IQSEC1: variants seen among roughly 807,000 people sequenced by gnomAD.
IQSEC1 encodes the protein IQ motif and Sec7 domain ArfGEF 1, also known as IQ motif and SEC7 domain-containing protein 1.
In IQSEC1, 31 loss-of-function variants were observed where a neutral mutation model predicts 91.0. The ratio of observed to expected loss-of-function variants is 0.34; its 90% confidence interval spans 0.26 to 0.46. The LOEUF (loss-of-function observed/expected upper bound fraction) is 0.46. Among genes scored for constraint, IQSEC1 ranks in the 20% least tolerant of loss-of-function variants. The probability of loss-of-function intolerance (pLI) is 1.00; values close to 1 mark genes in which losing one functional copy is unlikely to be tolerated. For synonymous variants in IQSEC1, 699 were observed against 662.6 expected (o/e 1.05, Z -0.84); for missense variants, 1,388 against 1,575.6 (o/e 0.88, Z 2.02).
Position 12,970,434 on chromosome 3 carries a change from G to A in IQSEC1, c.24-28569C>T, listed in dbSNP as rs1358720079. Among the ~76,000 whole-genome samples, 2 of 152,084 alleles carry A rather than the reference G, an allele frequency of 1.3e-5. No individual in the cohort carries two copies. Among genetic ancestry groups the A allele is most frequent in the African/African-American group, 2.4e-5 (1 of 41,392 alleles). On this transcript the variant is annotated intron_variant, in intron 1 of 13. Transcript: ENST00000613206. This position sits in a 1 kb window ranked among gnomAD's most constrained non-coding sequence, Gnocchi z 4.4. The stretch of plus-strand genomic sequence containing the variant: ...TGGCCCATTTCACATGCTACAACCC[G>A]ACTTTATCTCTATCCTCCCCAGCTT...
rs1342999691 is a variant in IQSEC1 at position 13,211,967 on chromosome 3, G to C, written c.273-47834C>G. 1.3e-5 allele frequency among the ~76,000 whole-genome samples: 2 copies of C among 152,068 alleles called. No individual in the cohort carries two copies. Among genetic ancestry groups the C allele is most frequent in the Admixed American group, 1.3e-4 (2 of 15,276 alleles). ...TGAGCCCCTGTGGGCTCTGGCGCGTGTCGGTGCCCAGCCTCTGTGAGAGGC... is the reference window on the plus strand; with the variant it reads ...TGAGCCCCTGTGGGCTCTGGCGCGTCTCGGTGCCCAGCCTCTGTGAGAGGC... On this transcript the variant is annotated intron_variant, in intron 1 of 15. Transcript: ENST00000648114. This position sits in a 1 kb window ranked among gnomAD's most constrained non-coding sequence, Gnocchi z 5.3.
rs72408840 is a variant in IQSEC1 at position 12,900,451 on chromosome 3, GTA to G, written c.*530_*531del. 6,673 of 667,126 alleles carry G rather than the reference GTA, an allele frequency of 0.01. No homozygotes were observed. The highest frequency in any genetic ancestry group is 0.011 in the Non-Finnish European group (6,102 of 543,212). The allele number at this position is 667,126 out of a possible 1,614,324, so 41.3% of individuals were successfully genotyped here. A position where few individuals can be genotyped will look rare whatever the true frequency, so the allele number is the denominator to read the frequency against. On this transcript the variant is annotated 3_prime_UTR_variant, in exon 14 of 14. Transcript: ENST00000613206. ...TTCACACACAAGTACTACCTATACA[GTA>G]TATATATATATATATTTATATATTT... is the stretch of plus-strand genomic sequence containing the variant.
At chr3:13,010,530 G>C (rs915051634) in intron 1 of IQSEC1, among the ~76,000 whole-genome samples, 1 of 152,162 alleles carries the variant, frequency 6.6e-6, no homozygotes, top group Non-Finnish European at 1.5e-5. Flanking sequence ...GGCTGTCCGG[G>C]AATGAAGTCA....
At chr3:12,930,105 C>G (rs1310375808) in intron 3 of IQSEC1, among the ~76,000 whole-genome samples, 1 of 152,238 alleles carries the variant, frequency 6.6e-6, no homozygotes, top group Non-Finnish European at 1.5e-5. Flanking sequence ...TGGGGAACAC[C>G]TACCTGCTGG....
intron 1 of IQSEC1, among the ~76,000 whole-genome samples, chr3:13,048,506 T>C (rs980048112): frequency 2.6e-5 from 4 of 152,220 alleles, no homozygotes; most frequent in African/African-American, 9.6e-5. Context: ...CCTGAGGCCT[T>C]AGAAGTCCAG....
intron 1 of IQSEC1, among the ~76,000 whole-genome samples, chr3:12,981,155 G>T (rs1410127498): frequency 6.6e-6 from 1 of 152,180 alleles, no homozygotes; most frequent in African/African-American, 2.4e-5. Flanking sequence ...TGCTTAGGGG[G>T]AGCAGGAGCC....
chr3:13,054,727 C>T (rs944892255), intron 1 of IQSEC1, among the ~76,000 whole-genome samples: 2 of 152,134 alleles, frequency 1.3e-5, no homozygotes, highest in African/African-American at 4.8e-5. Flanking sequence ...GGAAAGCCAC[C>T]GTGTCACCTT....
intron 2 of IQSEC1, among the ~76,000 whole-genome samples, chr3:13,135,009 G>A (rs114494771): frequency 3.3e-5 from 5 of 152,166 alleles, no homozygotes; most frequent in African/African-American, 4.8e-5. Context: ...GGCAGAGCTC[G>A]GGCCTGGTCA....
rs188302915 is a variant in IQSEC1, at chr3:13,237,500, G to T, written c.272+45211C>A. Reference sequence around the variant, plus strand: ...CTGGATGATGGAGCTATCGCACGAGGGAAGTGATCAGGACAGGGCACTCTG... The same window carrying T: ...CTGGATGATGGAGCTATCGCACGAGTGAAGTGATCAGGACAGGGCACTCTG... On this transcript the variant is annotated intron_variant, in intron 1 of 15. Coordinates refer to the IQSEC1 transcript ENST00000648114. 1.7e-3 allele frequency among the ~76,000 whole-genome samples: 262 copies of T among 152,346 alleles called. 1 individual carries two copies. The highest frequency in any genetic ancestry group is 6.1e-3 in the African/African-American group (255 of 41,578).
intron 1 of IQSEC1, among the ~76,000 whole-genome samples, chr3:13,060,816 C>T (rs1540815): frequency 0.021 from 3,160 of 152,296 alleles, 125 homozygotes; most frequent in African/African-American, 0.073. Flanking sequence ...GAGGGGCACC[C>T]AGAGAACCAA....
intron 1 of IQSEC1, among the ~76,000 whole-genome samples, chr3:13,263,240 C>T (rs1050716245): frequency 1.4e-5 from 2 of 142,974 alleles, no homozygotes; most frequent in Admixed American, 6.8e-5. Flanking sequence ...TAGATCGAGA[C>T]CCTGTCTCAA....
In IQSEC1 at chr3:13,210,680, G is replaced by A. The variant is rs576659248; in HGVS notation, c.273-46547C>T. On this transcript the variant is annotated intron_variant, in intron 1 of 15. Transcript: ENST00000648114. ...GTCCACTAACAGCCGGGGCTCCTCC[G>A]CTCTGAGTTTTCCTAAGAAGGAGAG... is the stretch of plus-strand genomic sequence containing the variant. 3.3e-5 allele frequency among the ~76,000 whole-genome samples: 5 copies of A among 152,202 alleles called. No homozygotes were observed. The East Asian group carries it at 9.7e-4, about 29-fold the overall frequency.
intron 1 of IQSEC1, among the ~76,000 whole-genome samples, chr3:13,016,033 G>A (rs1466666361): frequency 2.0e-5 from 3 of 152,210 alleles, no homozygotes; most frequent in Non-Finnish European, 4.4e-5. Flanking sequence ...AAAGTAGTGT[G>A]ACAGGGGTCC....
At chr3:12,942,031 C>T (rs868355960) in intron 1 of IQSEC1, among the ~76,000 whole-genome samples, 166 bp from the exon 2 acceptor site, 1 of 152,298 alleles carries the variant, frequency 6.6e-6, no homozygotes, top group Non-Finnish European at 1.5e-5. Context: ...CCTGCAAAAC[C>T]CCTCCACTCA....
At chr3:13,247,460 C>G (rs186017872) in intron 1 of IQSEC1, among the ~76,000 whole-genome samples, 21 of 152,226 alleles carry the variant, frequency 1.4e-4, no homozygotes, top group Admixed American at 7.2e-4. Flanking sequence ...CTCATCGCCC[C>G]CCTTGGGACA....
At position 13,164,535 on chromosome 3, in the gene IQSEC1, G is replaced by A. The variant is rs116720525; in HGVS notation, c.273-402C>T. The stretch of plus-strand genomic sequence containing the variant: ...AATGAATGAATGAATAAGTGAGAGC[G>A]GTGCGACTGGCCTCACTGCATCCCC... On this transcript the variant is annotated intron_variant, in intron 1 of 15. Coordinates refer to the IQSEC1 transcript ENST00000648114. Among the ~76,000 whole-genome samples the A allele has an allele frequency of 4.2e-3, 636 of 152,252 alleles. 4 individuals are homozygous for A. Among genetic ancestry groups the A allele is most frequent in the African/African-American group, 0.014 (601 of 41,530 alleles).
rs1299103473 is a variant in IQSEC1, at chr3:12,900,183, A to G, written c.*800T>C. 2.3e-5 allele frequency: 22 copies of G among 974,214 alleles called. No homozygotes were observed. Among genetic ancestry groups the G allele is most frequent in the Non-Finnish European group, 2.7e-5 (22 of 819,802 alleles). The allele number at this position is 974,214 out of a possible 1,614,324, so 60.3% of individuals were successfully genotyped here. ...ATAAAATAAGGATTTATACAAAGCA[A>G]TACTGGACTTTTTAAACAGTTAGAT... is the stretch of plus-strand genomic sequence containing the variant. On this transcript the variant is annotated 3_prime_UTR_variant, in exon 14 of 14. Transcript: ENST00000613206.
chr3:13,246,103 G>T (rs1227268840), intron 1 of IQSEC1, among the ~76,000 whole-genome samples: 1 of 152,210 alleles, frequency 6.6e-6, no homozygotes, highest in African/African-American at 2.4e-5. Flanking sequence ...CTAAATAGTA[G>T]TGCATCCGAG....
chr3:12,966,207 G>T (rs996185987), intron 1 of IQSEC1, among the ~76,000 whole-genome samples: 1 of 152,214 alleles, frequency 6.6e-6, no homozygotes, highest in African/African-American at 2.4e-5. Context: ...CACCCCAGAT[G>T]CAAGGAGCAA....
Sources: allele counts gnomAD v4.1 joint callset (sites outside exome capture counted in the v4.1 genomes callset), GRCh38; gene constraint gnomAD v4.1.1; non-coding constraint Gnocchi (gnomAD v3.1); transcripts MANE v1.5; gene names NCBI Gene and HGNC (gene_info 2026-07-23, HGNC 2026-07-21).